Variants in ZNF516 observed in about 807,000 individuals in gnomAD.
ZNF516 encodes zinc finger protein 516.
Under a neutral mutation model 79.7 loss-of-function variants are expected in ZNF516, and 19 were observed. That is an observed-to-expected ratio of 0.24 (90% CI 0.17 to 0.35). The LOEUF (loss-of-function observed/expected upper bound fraction) is 0.35. Among genes scored for constraint, ZNF516 ranks in the 10% least tolerant of loss-of-function variants. The pLI is 1.00. For synonymous variants in ZNF516, 877 were observed against 739.5 expected (o/e 1.19, Z -3.02); for missense variants, 1,678 against 1,679.5 (o/e 1.00, Z 0.02).
chr18:76,387,745 G>A (rs1223612913), intron 3 of ZNF516: 1 of 152,242 alleles, frequency 6.6e-6, no homozygotes, highest in East Asian at 1.9e-4. Flanking sequence ...CCTCTGCCCA[G>A]GAGTGGCCAT....
chr18:76,421,160 T>A (rs1274941791), intron 3 of ZNF516, among the ~76,000 whole-genome samples: 1 of 152,234 alleles, frequency 6.6e-6, no homozygotes, highest in Admixed American at 6.5e-5. Flanking sequence ...GGTCAACTAC[T>A]GACACGTTTA....
intron 3 of ZNF516, 101 bp downstream of exon 3, chr18:76,441,144 G>C: frequency 1.4e-6 from 2 of 1,444,740 alleles, no homozygotes; most frequent in East Asian, 2.5e-5. Context: ...ACCGGGTAAG[G>C]GGCTAATGAG....
At chr18:76,363,177 A>G (rs541404174) in intron 6 of ZNF516, among the ~76,000 whole-genome samples, 2 of 152,356 alleles carry the variant, frequency 1.3e-5, no homozygotes, top group East Asian at 3.9e-4. Flanking sequence ...ATGCTCTCCA[A>G]TGACATTTGA....
At chr18:76,450,529 T>C (rs1912342655) in intron 2 of ZNF516, among the ~76,000 whole-genome samples, 1 of 152,226 alleles carries the variant, frequency 6.6e-6, no homozygotes, top group Admixed American at 6.5e-5. Context: ...TCTGATGTTT[T>C]AGAGGCTTGC....
At chr18:76,461,338 G>A (rs953467302) in intron 2 of ZNF516, among the ~76,000 whole-genome samples, 29 of 152,184 alleles carry the variant, frequency 1.9e-4, no homozygotes, top group African/African-American at 4.6e-4. Context: ...CACCATGGCC[G>A]CAACAGGCAC....
At chr18:76,400,978 T>C (rs1278680565) in intron 3 of ZNF516, among the ~76,000 whole-genome samples, 1 of 152,182 alleles carries the variant, frequency 6.6e-6, no homozygotes, top group South Asian at 2.1e-4. Context: ...ACAATATATA[T>C]ATATATACAT....
chr18:76,452,127 TA>T (rs1020969192), intron 2 of ZNF516, among the ~76,000 whole-genome samples: 14 of 152,042 alleles, frequency 9.2e-5, no homozygotes, highest in Non-Finnish European at 1.6e-4. Context: ...CCTCCCCCAC[TA>T]GGGGAAAAAG....
intron 3 of ZNF516, among the ~76,000 whole-genome samples, chr18:76,413,737 G>C (rs1256644591): frequency 1.3e-5 from 2 of 152,126 alleles, no homozygotes; most frequent in Non-Finnish European, 2.9e-5. Context: ...GGTTCAATGT[G>C]ACTGTATAAA....
At chr18:76,422,717 G>A (rs2075523780) in intron 3 of ZNF516, among the ~76,000 whole-genome samples, 1 of 152,034 alleles carries the variant, frequency 6.6e-6, no homozygotes, top group Admixed American at 6.5e-5. Flanking sequence ...TGGGGCACTG[G>A]GGAGGCATGG....
In ZNF516 at chr18:76,463,116, G is replaced by A. The variant is rs138392258; in HGVS notation, c.-246C>T. 17 of 152,210 alleles carry A rather than the reference G, an allele frequency of 1.1e-4. No individual in the cohort carries two copies. Among genetic ancestry groups the A allele is most frequent in the South Asian group, 6.2e-4 (3 of 4,830 alleles). The allele number at this position is 152,210 out of a possible 1,614,324, so 9.4% of individuals were successfully genotyped here. A position where few individuals can be genotyped will look rare whatever the true frequency, so the allele number is the denominator to read the frequency against. On this transcript the variant is annotated 5_prime_UTR_variant, in exon 2 of 7. Transcript: ENST00000443185. ...AGCTAAAAGTGTTCAGAGAAGGACCGAACTCCACTCGGCCTCTCTCAGATT... is the reference window on the plus strand; with the variant it reads ...AGCTAAAAGTGTTCAGAGAAGGACCAAACTCCACTCGGCCTCTCTCAGATT...
In ZNF516 at chr18:76,379,269, G is replaced by A; in HGVS notation, c.2845C>T (p.Pro949Ser). ...GGGGGGACCCCAAACTTCTCCACAG[G>A]CTTGCTATTGGCCGAGGGCTGCGCG... ...AGAQPSANSK[P>S]VEKFGVPPAG... The change falls in exon 4 of 7, where the codon CCT (proline) becomes TCT (serine). Residue 949 changes from proline to serine, a missense_variant. Physicochemically the swap from Pro to Ser is moderately conservative, Grantham distance 74. Around this residue, in one of 5 missense-constraint regions of ZNF516, gnomAD observed 1,294 missense variants for 1,248.3 expected, o/e 1.04. Transcript: ENST00000443185. 2.5e-6 allele frequency: 4 copies of A among 1,612,360 alleles called. No homozygotes were observed. The highest frequency in any genetic ancestry group is 2.2e-5 in the South Asian group (2 of 91,064).
At chr18:76,460,379 T>A (rs902323667) in intron 2 of ZNF516, among the ~76,000 whole-genome samples, 1 of 152,156 alleles carries the variant, frequency 6.6e-6, no homozygotes, top group Non-Finnish European at 1.5e-5. Context: ...AGGCCCCCGC[T>A]CTCTGGTGCC....
intron 3 of ZNF516, among the ~76,000 whole-genome samples, chr18:76,420,023 C>A (rs75186293): frequency 6.6e-6 from 1 of 152,220 alleles, no homozygotes; most frequent in South Asian, 2.1e-4. Flanking sequence ...CATGAGGGAG[C>A]GACTCCAGGT....
At chr18:76,434,808 G>C (rs896680023) in intron 3 of ZNF516, among the ~76,000 whole-genome samples, 3 of 152,254 alleles carry the variant, frequency 2.0e-5, no homozygotes, top group African/African-American at 7.2e-5. Context: ...GGAACACACA[G>C]GAAACAGAGC....
chr18:76,423,342 C>A (rs1408288005), intron 3 of ZNF516, among the ~76,000 whole-genome samples: 2 of 152,242 alleles, frequency 1.3e-5, no homozygotes, highest in East Asian at 3.8e-4. Flanking sequence ...TGTGAACTGA[C>A]AGTACCTTGC....
chr18:76,411,423 CA>C (rs2075371004), intron 3 of ZNF516, among the ~76,000 whole-genome samples: 1 of 152,190 alleles, frequency 6.6e-6, no homozygotes, highest in Non-Finnish European at 1.5e-5. Flanking sequence ...GCGGCTTCAA[CA>C]AAAATATTTC....
intron 3 of ZNF516, chr18:76,388,934 G>A (rs2075030040): frequency 6.6e-6 from 1 of 152,458 alleles, no homozygotes; most frequent in South Asian, 2.1e-4. Context: ...ACCATACATG[G>A]AAGAGCAGCA....
rs1911738675 is a variant in ZNF516 at position 76,442,400 on chromosome 18, T to A, written c.655A>T (p.Ile219Phe). The A allele has an allele frequency of 1.9e-6, 3 of 1,608,146 alleles. No homozygotes were observed. The highest frequency in any genetic ancestry group is 1.7e-5 in the Admixed American group (1 of 59,994). The change falls in exon 3 of 7, where the codon ATC becomes TTC. Residue 219 changes from isoleucine (I) to phenylalanine (F), a missense_variant. By Grantham distance (21) the Ile-to-Phe change is conservative. This residue lies in a region of ZNF516 where 279 missense variants were observed against 254.1 expected (regional missense o/e 1.10). Coordinates refer to ENST00000443185, the MANE Select transcript of ZNF516 (RefSeq NM_014643.4). ...TGCGCGGTGATGTGGTCCCTCTCGATGTGGCTCAGCAGCGACTCCTCCCGC... is the reference window on the plus strand; with the variant it reads ...TGCGCGGTGATGTGGTCCCTCTCGAAGTGGCTCAGCAGCGACTCCTCCCGC... Reference protein sequence around the residue: ...TLREESLLSHIERDHITAQGP... With the variant: ...TLREESLLSHFERDHITAQGP...
intron 1 of ZNF516, among the ~76,000 whole-genome samples, chr18:76,491,936 G>T (rs866742267): frequency 6.6e-6 from 1 of 152,308 alleles, no homozygotes; most frequent in East Asian, 1.9e-4. Context: ...GAAATGGCCC[G>T]AGTGGGAGGG....
Sources: allele counts gnomAD v4.1 joint callset (sites outside exome capture counted in the v4.1 genomes callset), GRCh38; gene constraint gnomAD v4.1.1; regional missense constraint gnomAD v4.1.1; transcripts MANE v1.5; gene names NCBI Gene and HGNC (gene_info 2026-07-23, HGNC 2026-07-21).